FNDC3B: variants seen among roughly 807,000 people sequenced by gnomAD.
The protein encoded by FNDC3B is fibronectin type III domain-containing protein 3B.
In FNDC3B, 12 loss-of-function variants were observed where a neutral mutation model predicts 151.5. The observed-to-expected ratio is 0.08, with a 90% confidence interval of 0.05 to 0.13. The LOEUF (loss-of-function observed/expected upper bound fraction) is 0.13, where lower values mean the gene tolerates loss of function less well. FNDC3B is among the 10% of genes least tolerant of loss of function. FNDC3B has a pLI of 1.00. For synonymous variants in FNDC3B, 528 were observed against 549.0 expected, an observed-to-expected ratio of 0.96 and a Z score of 0.54; for missense variants, 1,214 against 1,505.3, an observed-to-expected ratio of 0.81 and a Z score of 3.20.
At position 172,091,873 on chromosome 3, in the gene FNDC3B, G is replaced by GGGGTGTGT. The variant is rs1553760105; in HGVS notation, c.-28-20578_-28-20577insGGTGTGTG. Among the ~76,000 whole-genome samples, 272 of 124,824 alleles carry GGGGTGTGT rather than the reference G, an allele frequency of 2.2e-3. 1 individual carries two copies. The highest frequency in any genetic ancestry group is 8.0e-3 in the African/African-American group (255 of 31,798). 81.9% of individuals were successfully genotyped at this position (124,824 alleles called of 152,430 possible). The stretch of plus-strand genomic sequence containing the variant: ...ACTCACAGTGCCCTGACTTTACTGG[G>GGGGTGTGT]GTGTGTGTGTGTGTGTGTGTGTGTG... On this transcript the variant is annotated intron_variant, in intron 1 of 25. Transcript: ENST00000415807.
intron 15 of FNDC3B, among the ~76,000 whole-genome samples, chr3:172,336,381 G>T (rs1209090291): frequency 6.6e-6 from 1 of 152,124 alleles, no homozygotes; most frequent in Non-Finnish European, 1.5e-5. Flanking sequence ...TACCCAAGGT[G>T]CCTAGGGCTC....
In FNDC3B at chr3:172,347,193, T is replaced by G. The variant is rs145787961; in HGVS notation, c.2365-19T>G. 350 of 1,602,750 alleles carry G rather than the reference T, an allele frequency of 2.2e-4. 1 individual carries two copies. The African/African-American group carries it at 4.4e-3, about 20-fold the overall frequency. On this transcript the variant is annotated intron_variant, in intron 20 of 25. Coordinates refer to ENST00000415807, the MANE Select transcript of FNDC3B (RefSeq NM_022763.4). Reference sequence around the variant, plus strand: ...CTTCTCAGTGGCATTATTAACTACTTCCATTTCTGCCTTTCCAGAGTCCTG... The same window carrying G: ...CTTCTCAGTGGCATTATTAACTACTGCCATTTCTGCCTTTCCAGAGTCCTG...
chr3:172,272,768 CA>C (rs1729260711), intron 6 of FNDC3B, among the ~76,000 whole-genome samples: 1 of 152,132 alleles, frequency 6.6e-6, no homozygotes. Flanking sequence ...CTAGGGAAAT[CA>C]ACTTTAGGCT....
intron 2 of FNDC3B, among the ~76,000 whole-genome samples, chr3:172,120,745 C>T (rs1459455422): frequency 6.6e-5 from 10 of 151,994 alleles, no homozygotes; most frequent in Admixed American, 4.6e-4. Flanking sequence ...GAGGCCGAGG[C>T]GGGTGGATCA....
At chr3:172,265,916 T>G (rs1307779038) in intron 6 of FNDC3B, among the ~76,000 whole-genome samples, 1 of 152,190 alleles carries the variant, frequency 6.6e-6, no homozygotes, top group African/African-American at 2.4e-5. Context: ...CTGAATTATT[T>G]TAATGCACAA....
intron 4 of FNDC3B, among the ~76,000 whole-genome samples, chr3:172,229,314 A>G (rs1355957214): frequency 2.0e-5 from 3 of 152,126 alleles, no homozygotes; most frequent in Non-Finnish European, 4.4e-5. Flanking sequence ...CATGGTGTAT[A>G]ATATCCATAA....
At chr3:172,366,294 ATTG>A (rs1229955616) in intron 23 of FNDC3B, among the ~76,000 whole-genome samples, 2 of 152,120 alleles carry the variant, frequency 1.3e-5, no homozygotes, top group Non-Finnish European at 2.9e-5. Flanking sequence ...TTATATTTTT[ATTG>A]TTGTTGTTTT....
intron 3 of FNDC3B, among the ~76,000 whole-genome samples, chr3:172,203,495 A>T (rs563911105): frequency 1.3e-5 from 2 of 152,252 alleles, no homozygotes; most frequent in African/African-American, 4.8e-5. Context: ...TGAGCCATCA[A>T]TTCTTAAGAA....
At chr3:172,117,230 C>T (rs1720302885) in intron 2 of FNDC3B, among the ~76,000 whole-genome samples, 2 of 152,176 alleles carry the variant, frequency 1.3e-5, no homozygotes, top group South Asian at 4.1e-4. Context: ...AAGTTTGCTT[C>T]CCTTAATATG....
chr3:172,187,598 A>C (rs1352860872), intron 3 of FNDC3B, among the ~76,000 whole-genome samples: 1 of 152,224 alleles, frequency 6.6e-6, no homozygotes, highest in East Asian at 1.9e-4. Context: ...ACTTCAATGA[A>C]GTGTAGCCCA....
At chr3:172,063,115 T>C (rs1039042772) in intron 1 of FNDC3B, among the ~76,000 whole-genome samples, 17 of 152,242 alleles carry the variant, frequency 1.1e-4, no homozygotes, top group African/African-American at 4.1e-4. Context: ...TTTTTCGTTA[T>C]ATACTTTTGA....
chr3:172,336,987 A>G (rs958004196), intron 15 of FNDC3B, among the ~76,000 whole-genome samples: 2 of 152,156 alleles, frequency 1.3e-5, no homozygotes, highest in Non-Finnish European at 2.9e-5. Flanking sequence ...ATATGAACAT[A>G]CAGTCTTACA....
chr3:172,317,330 C>T (rs1219927332), intron 11 of FNDC3B: 2 of 302,964 alleles, frequency 6.6e-6, no homozygotes, highest in Non-Finnish European at 6.6e-6. Context: ...ACTACAGGCG[C>T]CTGCCACCAC....
chr3:172,315,536 C>T lies in FNDC3B; in HGVS notation c.1254+4655C>T, dbSNP rs142044094. On this transcript the variant is annotated intron_variant, in intron 11 of 25. Transcript: ENST00000415807. ...GACTCGTGAGCTTTAGTGTTTAGAGCCATGGGGTTTAATAACTGACCCCGC... is the reference window on the plus strand; with the variant it reads ...GACTCGTGAGCTTTAGTGTTTAGAGTCATGGGGTTTAATAACTGACCCCGC... Among the ~76,000 whole-genome samples the T allele has an allele frequency of 1.4e-3, 216 of 152,300 alleles. 9 individuals carry two copies. The East Asian group carries it at 0.028, about 20-fold the overall frequency.
At chr3:172,066,882 T>C (rs937128293) in intron 1 of FNDC3B, among the ~76,000 whole-genome samples, 1 of 152,252 alleles carries the variant, frequency 6.6e-6, no homozygotes, top group Non-Finnish European at 1.5e-5. Context: ...GCAGCTCTTT[T>C]GAAGCACTTT....
chr3:172,249,075 G>T (rs1727934126), intron 5 of FNDC3B, among the ~76,000 whole-genome samples: 1 of 150,866 alleles, frequency 6.6e-6, no homozygotes. Context: ...AAAACATTTG[G>T]ATAAAAACTG....
At chr3:172,153,897 A>G (rs577644925) in intron 3 of FNDC3B, among the ~76,000 whole-genome samples, 35 of 152,222 alleles carry the variant, frequency 2.3e-4, no homozygotes, top group Non-Finnish European at 4.7e-4. Context: ...TAAAGAAACA[A>G]AAACCTAAAC....
rs148906169 is a variant in FNDC3B, at chr3:172,178,097, A to T, written c.187+44551A>T. Reference sequence around the variant, plus strand: ...ACCACATTTAGAAAGGAACTTTCTTAGGACCATACAACTGGTTGTGGAAGG... The same window carrying T: ...ACCACATTTAGAAAGGAACTTTCTTTGGACCATACAACTGGTTGTGGAAGG... On this transcript the variant is annotated intron_variant, in intron 3 of 25. Transcript: ENST00000415807. 1.9e-3 allele frequency among the ~76,000 whole-genome samples: 297 copies of T among 152,314 alleles called. 2 individuals carry two copies. Among genetic ancestry groups the T allele is most frequent in the Non-Finnish European group, 3.1e-3 (213 of 68,038 alleles).
intron 11 of FNDC3B, among the ~76,000 whole-genome samples, chr3:172,328,490 C>T (rs374724226): frequency 2.0e-5 from 3 of 152,148 alleles, no homozygotes; most frequent in Admixed American, 6.5e-5. Context: ...GCTGCAGAGA[C>T]GGGTCTGTAG....
Sources: allele counts gnomAD v4.1 joint callset (sites outside exome capture counted in the v4.1 genomes callset), GRCh38; gene constraint gnomAD v4.1.1; transcripts MANE v1.5; gene names NCBI Gene and HGNC (gene_info 2026-07-23, HGNC 2026-07-21).